ZFHX3: variants seen among roughly 807,000 people sequenced by gnomAD.
ZFHX3 encodes the protein zinc finger homeobox 3.
A neutral mutation model predicts 279.1 loss-of-function variants in ZFHX3; 42 were observed. The ratio of observed to expected loss-of-function variants is 0.15; its 90% CI spans 0.12 to 0.19. The LOEUF is 0.19. Ranked by LOEUF, ZFHX3 falls within the 10% of genes least tolerant of loss-of-function variation. The pLI is 1.00. For synonymous variants in ZFHX3, 2,293 were observed against 1,957.8 expected, an observed-to-expected ratio of 1.17 and a Z score of -4.52; for missense variants, 4,981 against 4,754.0, an observed-to-expected ratio of 1.05 and a Z score of -1.40.
intron 2 of ZFHX3, among the ~76,000 whole-genome samples, chr16:73,660,721 C>T (rs1378641157): frequency 6.6e-6 from 1 of 152,036 alleles, no homozygotes; most frequent in Non-Finnish European, 1.5e-5. Context: ...ATTTTCTTCT[C>T]TTTTTCATCA....
At chr16:73,763,334 G>A (rs2053893195) in intron 1 of ZFHX3, among the ~76,000 whole-genome samples, 1 of 152,132 alleles carries the variant, frequency 6.6e-6, no homozygotes, top group Non-Finnish European at 1.5e-5. Flanking sequence ...GTAACTAATG[G>A]GCTTGAGTGA....
chr16:73,845,191 C>T (rs893454302), intron 1 of ZFHX3, among the ~76,000 whole-genome samples: 2 of 152,232 alleles, frequency 1.3e-5, no homozygotes, highest in African/African-American at 2.4e-5. Context: ...ATAGGAAGTG[C>T]GTTCGTGGAG....
chr16:72,994,634 C>T (rs1567623560), intron 1 of ZFHX3, among the ~76,000 whole-genome samples: 1 of 152,236 alleles, frequency 6.6e-6, no homozygotes, highest in Non-Finnish European at 1.5e-5. Flanking sequence ...CACAGCTGGC[C>T]CGCACATCTG....
At chr16:73,417,733 G>A (rs2017619318) in intron 3 of ZFHX3, among the ~76,000 whole-genome samples, 1 of 151,770 alleles carries the variant, frequency 6.6e-6, no homozygotes, top group African/African-American at 2.4e-5. Flanking sequence ...AGTACTTTGG[G>A]AGGCTGAAGC....
chr16:73,749,674 A>T (rs879880505), intron 1 of ZFHX3, among the ~76,000 whole-genome samples: 11 of 152,210 alleles, frequency 7.2e-5, no homozygotes, highest in Admixed American at 2.0e-4. Context: ...TGTCCCAGGG[A>T]AGAGAAAAGG....
intron 3 of ZFHX3, among the ~76,000 whole-genome samples, chr16:72,915,359 G>T (rs1160655070): frequency 1.3e-5 from 2 of 152,178 alleles, no homozygotes; most frequent in Non-Finnish European, 2.9e-5. Flanking sequence ...TAGACTCGCA[G>T]AACACATCAA....
intron 8 of ZFHX3, among the ~76,000 whole-genome samples, chr16:73,078,633 G>A (rs971599453): frequency 6.6e-5 from 10 of 151,718 alleles, no homozygotes; most frequent in African/African-American, 2.2e-4. Flanking sequence ...TATAAACCGC[G>A]CCTGGCCACT....
chr16:72,981,253 A>G (rs1282321389), intron 1 of ZFHX3, among the ~76,000 whole-genome samples: 1 of 152,186 alleles, frequency 6.6e-6, no homozygotes, highest in Non-Finnish European at 1.5e-5. Context: ...AAAAGACAAT[A>G]TGCATCACGC....
intron 4 of ZFHX3, among the ~76,000 whole-genome samples, chr16:72,872,888 C>T (rs7500325): frequency 0.016 from 2,484 of 152,262 alleles, 91 homozygotes; most frequent in South Asian, 0.11. Context: ...AATTTTTGGC[C>T]CTGCCCAAGA....
chr16:72,827,234 A>C (rs1413282339), intron 5 of ZFHX3, among the ~76,000 whole-genome samples: 1 of 152,216 alleles, frequency 6.6e-6, no homozygotes, highest in East Asian at 1.9e-4. Context: ...AGAGGACCCA[A>C]AGAGAAACTG....
At chr16:73,488,092 G>T (rs1245520469) in intron 2 of ZFHX3, among the ~76,000 whole-genome samples, 1 of 152,190 alleles carries the variant, frequency 6.6e-6, no homozygotes, top group Non-Finnish European at 1.5e-5. Context: ...AATTTGGGGG[G>T]TGATTTATTC....
In ZFHX3 at chr16:72,959,210, G is replaced by A. The variant is rs145953885; in HGVS notation, c.936C>T (p.Asp312=). ...VHDHRMTLSE[D]ERKILSNKNI... is the part of the protein sequence containing the mutation. ...TCTTATTGCTAAGAATTTTCCGCTC[G>A]TCTTCGCTCAGGGTCATTCGATGGT... Residue 312 remains aspartate (D), a synonymous_variant, in exon 2 of 10, where the codon GAC becomes GAT. Coordinates refer to ENST00000268489, the MANE Select transcript of ZFHX3 (RefSeq NM_006885.4). 16 of 1,614,060 alleles carry A rather than the reference G, an allele frequency of 9.9e-6. No homozygotes were observed. The highest frequency in any genetic ancestry group is 3.3e-5 in the South Asian group (3 of 91,082).
intron 2 of ZFHX3, among the ~76,000 whole-genome samples, chr16:73,620,917 A>G (rs1400553797): frequency 1.3e-5 from 2 of 152,250 alleles, no homozygotes; most frequent in African/African-American, 2.4e-5. Flanking sequence ...TTTGGGTGAG[A>G]CACAGCTTGG....
At chr16:72,877,455 T>G (rs1468042629) in intron 4 of ZFHX3, among the ~76,000 whole-genome samples, 1 of 152,214 alleles carries the variant, frequency 6.6e-6, no homozygotes, top group Non-Finnish European at 1.5e-5. Context: ...ATGAAGATGG[T>G]CTGCGGAAAG....
intron 2 of ZFHX3, among the ~76,000 whole-genome samples, chr16:73,605,185 T>C (rs1327590193): frequency 6.6e-6 from 1 of 152,102 alleles, no homozygotes; most frequent in Non-Finnish European, 1.5e-5. Flanking sequence ...TTCAAGACAC[T>C]CTTAAAATGG....
intron 1 of ZFHX3, among the ~76,000 whole-genome samples, chr16:73,728,015 G>GCCCCAC (rs2053534576): frequency 1.3e-5 from 1 of 75,426 alleles, no homozygotes; most frequent in African/African-American, 4.6e-5. Context: ...GCCGAATTGT[G>GCCCCAC]CCCCCCCCCC....
At chr16:73,758,212 G>A (rs897903156) in intron 1 of ZFHX3, among the ~76,000 whole-genome samples, 1 of 150,814 alleles carries the variant, frequency 6.6e-6, no homozygotes, top group African/African-American at 2.4e-5. Context: ...TTCTAATGGT[G>A]GGAACTGAAA....
At chr16:73,767,026 C>T (rs2053955849) in intron 1 of ZFHX3, among the ~76,000 whole-genome samples, 1 of 151,784 alleles carries the variant, frequency 6.6e-6, no homozygotes, top group Non-Finnish European at 1.5e-5. Context: ...ACCTCCACCT[C>T]CCGGATGCAA....
At chr16:73,481,188 G>C (rs1188105239) in intron 2 of ZFHX3, among the ~76,000 whole-genome samples, 1 of 152,078 alleles carries the variant, frequency 6.6e-6, no homozygotes, top group Non-Finnish European at 1.5e-5. Context: ...AATTAGCTAG[G>C]CATGGTGGTA....
Sources: allele counts gnomAD v4.1 joint callset (sites outside exome capture counted in the v4.1 genomes callset), GRCh38; gene constraint gnomAD v4.1.1; transcripts MANE v1.5; gene names NCBI Gene and HGNC (gene_info 2026-07-23, HGNC 2026-07-21).